Variants in NGF observed in about 807,000 individuals in gnomAD.
The protein encoded by NGF is nerve growth factor, also known as beta-nerve growth factor.
In NGF, 4 loss-of-function variants were observed where a neutral mutation model predicts 12.8. The ratio of observed to expected loss-of-function variants is 0.31; its 90% CI spans 0.15 to 0.72. The LOEUF (loss-of-function observed/expected upper bound fraction) is 0.72, where lower values mean the gene tolerates loss of function less well. Ranked by LOEUF, NGF falls within the 30% of genes least tolerant of loss-of-function variation. NGF has a pLI of 0.69. For missense variants in NGF, 283 were observed against 330.8 expected, an observed-to-expected ratio of 0.86 and a Z score of 1.12; for synonymous variants, 140 against 130.0, an observed-to-expected ratio of 1.08 and a Z score of -0.52.
chr1:115,287,050 C>T (rs1308233543), intron 2 of NGF, among the ~76,000 whole-genome samples: 1 of 152,176 alleles, frequency 6.6e-6, no homozygotes, highest in African/African-American at 2.4e-5. Context: ...CAGGAAGTGA[C>T]AGAGCCCCTG....
chr1:115,288,039 C>T (rs895753686), intron 2 of NGF, among the ~76,000 whole-genome samples: 4 of 152,196 alleles, frequency 2.6e-5, no homozygotes, highest in African/African-American at 9.7e-5. Flanking sequence ...ACTTCCAATT[C>T]TATCCTTTCT....
chr1:115,335,621 T>G (rs6673867), intron 1 of NGF, among the ~76,000 whole-genome samples: 99,644 of 152,188 alleles, frequency 0.65, 35,194 homozygotes, highest in African/African-American at 0.9. Context: ...CTTCCTGAGA[T>G]CAGAGAATTT....
Position 115,286,620 on chromosome 1 carries a change from A to T in NGF, c.176T>A (p.Ile59Lys), listed in dbSNP as rs748148537. 1 of 1,614,222 alleles carries T rather than the reference A, an allele frequency of 6.2e-7. No homozygotes were observed. The change falls in exon 3 of 3, where the codon ATA (isoleucine) becomes AAA (lysine). Residue 59 changes from isoleucine (I) to lysine (K), a missense_variant. Ile to Lys is a moderately radical substitution (Grantham distance 102, BLOSUM62 -3). This residue lies in a region of NGF where 151 missense variants were observed against 141.6 expected (regional missense o/e 1.07). Coordinates refer to ENST00000369512, the MANE Select transcript of NGF (RefSeq NM_002506.3). ...GGTCTGCCCCGCCACGCGTGCAGCT[A>T]TCGCCGCTGCCGGGGCGCTGCGGGC... ...RRARSAPAAAIAARVAGQTRN... is the reference protein window; with the variant it reads ...RRARSAPAAAKAARVAGQTRN...
intron 1 of NGF, among the ~76,000 whole-genome samples, chr1:115,323,666 T>C (rs560649668): frequency 1.3e-5 from 2 of 152,360 alleles, no homozygotes; most frequent in South Asian, 4.1e-4. Flanking sequence ...TCTGTAGACC[T>C]TGTAAATTTT....
At chr1:115,333,130 T>A (rs1654968895) in intron 1 of NGF, among the ~76,000 whole-genome samples, 1 of 152,136 alleles carries the variant, frequency 6.6e-6, no homozygotes, top group South Asian at 2.1e-4. Context: ...GAGACCATCC[T>A]CCCTGGGCTC....
intron 2 of NGF, among the ~76,000 whole-genome samples, chr1:115,293,070 C>A (rs780498652): frequency 2.0e-5 from 3 of 152,060 alleles, no homozygotes; most frequent in Non-Finnish European, 4.4e-5. Context: ...GTATAATTTT[C>A]TAATTAACCA....
At chr1:115,321,986 T>A (rs186198883) in intron 1 of NGF, among the ~76,000 whole-genome samples, 97 of 152,344 alleles carry the variant, frequency 6.4e-4, no homozygotes, top group African/African-American at 2.2e-3. Context: ...CAGTAAGAGT[T>A]CATCCTAACT....
At chr1:115,335,231 C>T (rs1330965784) in intron 1 of NGF, among the ~76,000 whole-genome samples, 1 of 152,188 alleles carries the variant, frequency 6.6e-6, no homozygotes, top group African/African-American at 2.4e-5. Flanking sequence ...TAATAAAAGA[C>T]CGAGGACCCC....
intron 1 of NGF, among the ~76,000 whole-genome samples, chr1:115,337,727 A>G (rs1001609701): frequency 6.6e-6 from 1 of 151,674 alleles, no homozygotes; most frequent in Non-Finnish European, 1.5e-5. Flanking sequence ...GCCGCGCAGC[A>G]CTTTCCCTAC....
At chr1:115,300,948 T>C (rs181134352) in intron 1 of NGF, among the ~76,000 whole-genome samples, 3 of 152,332 alleles carry the variant, frequency 2.0e-5, no homozygotes, top group African/African-American at 7.2e-5. Flanking sequence ...AAGGGCTATT[T>C]GACAGGGATT....
rs751673509 is a variant in NGF at position 115,286,036 on chromosome 1, T to C, written c.*34A>G. On this transcript the variant is annotated 3_prime_UTR_variant, in exon 3 of 3. Coordinates refer to ENST00000369512, the MANE Select transcript of NGF (RefSeq NM_002506.3). ...AGGTAGGGAGGGGCCCAGGAGAGTG[T>C]AGAAGGGGCAGGGGGAGGGAGCGTG... is the stretch of plus-strand genomic sequence containing the variant. 1 of 1,610,802 alleles carries C rather than the reference T, an allele frequency of 6.2e-7. No homozygotes were observed. Among genetic ancestry groups the C allele is most frequent in the Non-Finnish European group, 8.5e-7 (1 of 1,178,756 alleles).
intron 2 of NGF, among the ~76,000 whole-genome samples, chr1:115,287,887 C>G (rs1653564096): frequency 6.6e-6 from 1 of 152,226 alleles, no homozygotes; most frequent in African/African-American, 2.4e-5. Context: ...GGAATTAGTT[C>G]TGCTCCTGGA....
intron 1 of NGF, among the ~76,000 whole-genome samples, chr1:115,302,764 T>C (rs4839434): frequency 0.84 from 127,921 of 152,168 alleles, 54,165 homozygotes; most frequent in African/African-American, 0.94. Flanking sequence ...GCTCCCTCTG[T>C]GCCGCAGCCA....
At chr1:115,337,267 GTTTTTTTTTTTTTTTTTTTTTT>G (rs67307707) in intron 1 of NGF, among the ~76,000 whole-genome samples, 8 of 81,030 alleles carry the variant, frequency 9.9e-5, no homozygotes, top group Non-Finnish European at 1.9e-4. Context: ...TTTTGTTTTT[GTTTTTTTTTTTTTTTTTTTTTT>G]TTTTTTTTTT....
At chr1:115,315,307 T>A (rs1001713513) in intron 1 of NGF, among the ~76,000 whole-genome samples, 3 of 152,120 alleles carry the variant, frequency 2.0e-5, no homozygotes, top group Non-Finnish European at 4.4e-5. Flanking sequence ...AACCGGAAGA[T>A]CAGTTAGGCA....
At chr1:115,314,726 A>G (rs1654427830) in intron 1 of NGF, among the ~76,000 whole-genome samples, 1 of 152,200 alleles carries the variant, frequency 6.6e-6, no homozygotes, top group African/African-American at 2.4e-5. Flanking sequence ...AGCAACTATT[A>G]TGCACCAAAG....
chr1:115,288,291 G>A lies in NGF; in HGVS notation c.-12-1484C>T, dbSNP rs1252220803. The stretch of plus-strand genomic sequence containing the variant: ...CATTGGGTCTGGGGGTTAGAAAATC[G>A]TGTTTGGATTCCTACTCCACTACTT... On this transcript the variant is annotated intron_variant, in intron 2 of 2. Transcript: ENST00000369512. Among the ~76,000 whole-genome samples the A allele has an allele frequency of 7.2e-5, 11 of 152,168 alleles. No individual in the cohort carries two copies. In the East Asian group the frequency reaches 1.9e-3, roughly 27 times the overall value.
At chr1:115,320,131 C>A (rs1390690164) in intron 1 of NGF, among the ~76,000 whole-genome samples, 1 of 152,090 alleles carries the variant, frequency 6.6e-6, no homozygotes, top group Non-Finnish European at 1.5e-5. Context: ...AGGACCAGGC[C>A]TTTGGTGGCT....
At position 115,310,211 on chromosome 1, in the gene NGF, C is replaced by G. The variant is rs539530959; in HGVS notation, c.-136-16461G>C. On this transcript the variant is annotated intron_variant, in intron 1 of 2. Transcript: ENST00000369512. ...AAGGGAAATCACATGTATGTGGGAA[C>G]CAGGCCTGGAAGTAAATATGTAAAA... Among the ~76,000 whole-genome samples the G allele has an allele frequency of 1.7e-3, 256 of 152,276 alleles. 3 individuals carry two copies. The highest frequency in any genetic ancestry group is 5.8e-3 in the African/African-American group (242 of 41,554).
Sources: allele counts gnomAD v4.1 joint callset (sites outside exome capture counted in the v4.1 genomes callset), GRCh38; gene constraint gnomAD v4.1.1; regional missense constraint gnomAD v4.1.1; transcripts MANE v1.5; gene names NCBI Gene and HGNC (gene_info 2026-07-23, HGNC 2026-07-21).